MALRD1: variants seen among roughly 807,000 people sequenced by gnomAD.
The protein encoded by MALRD1 is MAM and LDL-receptor class A domain-containing protein 1.
In MALRD1, 247 loss-of-function variants were observed where a neutral mutation model predicts 242.1. That is an observed-to-expected ratio of 1.02 (90% CI 0.92 to 1.13). MALRD1 has a LOEUF of 1.13. Among genes scored for constraint, MALRD1 ranks in the 50% most tolerant of loss-of-function variants. The pLI is 0.00. For synonymous variants in MALRD1, 995 were observed against 866.6 expected, an observed-to-expected ratio of 1.15 and a Z score of -2.60; for missense variants, 2,989 against 2,533.1, an observed-to-expected ratio of 1.18 and a Z score of -3.86.
chr10:19,650,522 ATC>A (rs1265872869), intron 36 of MALRD1, among the ~76,000 whole-genome samples: 3 of 152,202 alleles, frequency 2.0e-5, no homozygotes, highest in African/African-American at 7.2e-5. Flanking sequence ...CTTATAGAAA[ATC>A]TGTAATAAGT....
At chr10:19,507,617 C>T (rs1022722322) in intron 31 of MALRD1, among the ~76,000 whole-genome samples, 1 of 151,980 alleles carries the variant, frequency 6.6e-6, no homozygotes, top group Non-Finnish European at 1.5e-5. Flanking sequence ...TTAAACAATA[C>T]ATTGGAATTT....
intron 35 of MALRD1, among the ~76,000 whole-genome samples, chr10:19,615,525 A>AG (rs1839109346): frequency 6.8e-6 from 1 of 146,382 alleles, no homozygotes; most frequent in African/African-American, 2.7e-5. Flanking sequence ...TCAAAAAAAA[A>AG]AAAAAAAAAA....
At chr10:19,265,686 A>G (rs1224025549) in intron 19 of MALRD1, among the ~76,000 whole-genome samples, 1 of 152,062 alleles carries the variant, frequency 6.6e-6, no homozygotes, top group African/African-American at 2.4e-5. Context: ...GAGAAGGTGT[A>G]TTCTGCTGCT....
At chr10:19,303,122 C>T (rs992256713) in intron 21 of MALRD1, among the ~76,000 whole-genome samples, 7 of 151,306 alleles carry the variant, frequency 4.6e-5, no homozygotes, top group Non-Finnish European at 8.9e-5. Flanking sequence ...ACCCCAAAAC[C>T]CAACTGTATG....
At chr10:19,323,814 G>T in intron 21 of MALRD1, 135 bp from the exon 22 acceptor site, 1 of 691,448 alleles carries the variant, frequency 1.4e-6, no homozygotes. Flanking sequence ...TTTCATCATG[G>T]TAGCCAGGCT....
rs11010944 is a variant in MALRD1 at position 19,652,293 on chromosome 10, A to G, written c.6137+36370A>G. On this transcript the variant is annotated intron_variant, in intron 36 of 39. Coordinates refer to ENST00000454679, the MANE Select transcript of MALRD1 (RefSeq NM_001142308.3). ...TTGAGGTGAATATTGAACAATAAAT[A>G]CGTGCTTACTAAATAGGCAAGCAAT... is the stretch of plus-strand genomic sequence containing the variant. Among the ~76,000 whole-genome samples the G allele has an allele frequency of 3.9e-5, 6 of 152,314 alleles. No individual in the cohort carries two copies. In the East Asian group the frequency reaches 9.7e-4, roughly 25 times the overall value.
intron 26 of MALRD1, among the ~76,000 whole-genome samples, chr10:19,381,038 T>TCC (rs1845815950): frequency 1.4e-5 from 2 of 146,028 alleles, no homozygotes; most frequent in African/African-American, 5.2e-5. Flanking sequence ...TAGGTATATC[T>TCC]CCCAGTGCTA....
intron 31 of MALRD1, among the ~76,000 whole-genome samples, chr10:19,515,123 AACTTTAT>A (rs1189563537): frequency 4.6e-5 from 7 of 152,170 alleles, no homozygotes; most frequent in South Asian, 2.1e-4. Context: ...ACAAAAACAC[AACTTTAT>A]ACTTTATAGC....
At chr10:19,443,314 A>G (rs1430003911) in intron 28 of MALRD1, among the ~76,000 whole-genome samples, 2 of 151,850 alleles carry the variant, frequency 1.3e-5, no homozygotes, top group Non-Finnish European at 2.9e-5. Flanking sequence ...TTGTGTTTCT[A>G]TCTCCTTCAG....
Position 19,399,223 on chromosome 10 carries a change from A to G in MALRD1, c.4845+9614A>G, listed in dbSNP as rs1481177973. On this transcript the variant is annotated intron_variant, in intron 28 of 39. Transcript: ENST00000454679. Reference sequence around the variant, plus strand: ...AACTAGTCTGTGTAGGAATCCTGAGAGCCAGTAAATTTCAATTTAACTTCT... The same window carrying G: ...AACTAGTCTGTGTAGGAATCCTGAGGGCCAGTAAATTTCAATTTAACTTCT... Among the ~76,000 whole-genome samples the G allele has an allele frequency of 2.6e-5, 4 of 152,222 alleles. No homozygotes were observed. The East Asian group carries it at 7.7e-4, about 29-fold the overall frequency.
chr10:19,459,022 A>G (rs1171804080), intron 29 of MALRD1, among the ~76,000 whole-genome samples: 1 of 152,158 alleles, frequency 6.6e-6, no homozygotes, highest in African/African-American at 2.4e-5. Flanking sequence ...GCAATATTAC[A>G]TAAAGAGACA....
chr10:19,584,957 T>C (rs1206771165), intron 33 of MALRD1, among the ~76,000 whole-genome samples: 1 of 152,164 alleles, frequency 6.6e-6, no homozygotes, highest in Non-Finnish European at 1.5e-5. Context: ...TCTTGTTGAA[T>C]TGATCCCTTT....
intron 36 of MALRD1, among the ~76,000 whole-genome samples, chr10:19,689,927 G>A (rs1312636039): frequency 2.0e-5 from 3 of 151,900 alleles, no homozygotes; most frequent in Admixed American, 6.6e-5. Flanking sequence ...CACCATATAA[G>A]TTTAAAATCT....
chr10:19,333,042 A>T (rs1843454742), intron 24 of MALRD1, among the ~76,000 whole-genome samples: 1 of 151,884 alleles, frequency 6.6e-6, no homozygotes, highest in Non-Finnish European at 1.5e-5. Context: ...GCCCTGGTGT[A>T]TGATGTTCCC....
intron 18 of MALRD1, among the ~76,000 whole-genome samples, chr10:19,210,304 T>G (rs1279740728): frequency 6.6e-6 from 1 of 152,212 alleles, no homozygotes; most frequent in Admixed American, 6.5e-5. Flanking sequence ...TTTCCTGATT[T>G]TGGTAAGCCA....
In MALRD1 at chr10:19,260,759, A is replaced by G. The variant is rs117711584; in HGVS notation, c.3079+2988A>G. Among the ~76,000 whole-genome samples the G allele has an allele frequency of 7.4e-3, 1,124 of 152,210 alleles. 8 individuals carry two copies. The highest frequency in any genetic ancestry group is 0.032 in the South Asian group (152 of 4,824). ...TTAATGCCTTTATTATACCAGTTTT[A>G]TGGAGGAAATTGAAAAGGAGATAAC... On this transcript the variant is annotated intron_variant, in intron 19 of 39. Transcript: ENST00000454679.
intron 24 of MALRD1, among the ~76,000 whole-genome samples, chr10:19,347,534 C>T (rs1457359559): frequency 6.8e-6 from 1 of 148,138 alleles, no homozygotes; most frequent in Non-Finnish European, 1.5e-5. Context: ...AATGCTAAAA[C>T]AGTTTATCAG....
At chr10:19,421,925 G>C (rs1833732668) in intron 28 of MALRD1, among the ~76,000 whole-genome samples, 1 of 152,148 alleles carries the variant, frequency 6.6e-6, no homozygotes, top group African/African-American at 2.4e-5. Flanking sequence ...AGGATGGAAG[G>C]AGCATATGAC....
chr10:19,642,267 T>C (rs1316587748), intron 36 of MALRD1, among the ~76,000 whole-genome samples: 1 of 152,194 alleles, frequency 6.6e-6, no homozygotes, highest in Non-Finnish European at 1.5e-5. Flanking sequence ...TGAAGGTATA[T>C]TGAACTCTGT....
Sources: gnomAD v4.1 joint callset for allele counts (sites outside exome capture counted in the v4.1 genomes callset) on GRCh38, gnomAD v4.1.1 for gene constraint, MANE v1.5 for transcripts, NCBI Gene and HGNC (gene_info 2026-07-23, HGNC 2026-07-21) for gene names.